The following TTC3 variants were observed in gnomAD, a reference collection of about 807,000 sequenced individuals.
TTC3 encodes the protein tetratricopeptide repeat domain 3, also known as E3 ubiquitin-protein ligase TTC3.
Under a neutral mutation model 249.6 loss-of-function variants are expected in TTC3, and 180 were observed. The observed-to-expected ratio is 0.72, with a 90% CI of 0.64 to 0.82. TTC3 has a LOEUF of 0.82. Among genes scored for constraint, TTC3 ranks in the 40% least tolerant of loss-of-function variants. TTC3 has a pLI of 0.00. For missense variants in TTC3, 2,061 were observed against 2,398.4 expected, an observed-to-expected ratio of 0.86 and a Z score of 2.94; for synonymous variants, 717 against 805.0, an observed-to-expected ratio of 0.89 and a Z score of 1.85.
At chr21:37,106,490 G>C (rs558146479) in intron 10 of TTC3, among the ~76,000 whole-genome samples, 1 of 152,292 alleles carries the variant, frequency 6.6e-6, no homozygotes, top group African/African-American at 2.4e-5. Context: ...AAGGTCACCA[G>C]ATTTTCTATG....
chr21:37,116,832 A>C (rs1329768217), intron 11 of TTC3, among the ~76,000 whole-genome samples: 2 of 151,840 alleles, frequency 1.3e-5, no homozygotes, highest in African/African-American at 2.4e-5. Flanking sequence ...AAAATAAATA[A>C]ATTTTTTTTT....
At chr21:37,187,510 G>A (rs186856643) in intron 38 of TTC3, among the ~76,000 whole-genome samples, 3 of 152,252 alleles carry the variant, frequency 2.0e-5, no homozygotes, top group Admixed American at 2.0e-4. Flanking sequence ...ACTTGGAAAG[G>A]AACTTGAAAA....
At chr21:37,142,280 G>T (rs2078550111) in intron 20 of TTC3, among the ~76,000 whole-genome samples, 1 of 152,152 alleles carries the variant, frequency 6.6e-6, no homozygotes. Flanking sequence ...GAAAGAAAGG[G>T]TATTCAATTA....
intron 1 of TTC3, among the ~76,000 whole-genome samples, chr21:37,080,216 CA>C (rs751214323): frequency 6.6e-6 from 1 of 152,062 alleles, no homozygotes; most frequent in Non-Finnish European, 1.5e-5. Context: ...CATTAACTTT[CA>C]AATCTAAGTA....
intron 10 of TTC3, among the ~76,000 whole-genome samples, chr21:37,103,992 G>C (rs1049131914): frequency 6.6e-6 from 1 of 152,216 alleles, no homozygotes; most frequent in African/African-American, 2.4e-5. Flanking sequence ...ATCTGAAGGG[G>C]ATGTAGTGTG....
At chr21:37,103,663 T>C (rs1568923915) in intron 10 of TTC3, among the ~76,000 whole-genome samples, 1 of 152,230 alleles carries the variant, frequency 6.6e-6, no homozygotes, top group Admixed American at 6.5e-5. Context: ...TGTTCAGCAT[T>C]GATTCAACAA....
At chr21:37,093,037 T>C (rs2073477308) in intron 7 of TTC3, among the ~76,000 whole-genome samples, 1 of 152,180 alleles carries the variant, frequency 6.6e-6, no homozygotes. Context: ...ATCCAAAATC[T>C]GAAATACCCC....
At chr21:37,180,676 G>A (rs1358724852) in intron 35 of TTC3, among the ~76,000 whole-genome samples, 1 of 148,890 alleles carries the variant, frequency 6.7e-6, no homozygotes, top group Admixed American at 6.7e-5. Context: ...CGAGTTAGTG[G>A]GTGCAGTGCA....
At chr21:37,124,480 C>A in intron 13 of TTC3, 139 bp from the exon 14 acceptor site, 1 of 804,650 alleles carries the variant, frequency 1.2e-6, no homozygotes, top group South Asian at 1.7e-5. Flanking sequence ...ATGTATAAAG[C>A]CCCATCTCAC....
intron 1 of TTC3, chr21:37,081,690 A>T (rs990778265): frequency 1.3e-5 from 2 of 151,730 alleles, no homozygotes; most frequent in African/African-American, 4.8e-5. Context: ...CAGATCACTT[A>T]TTCTTTATCT....
intron 10 of TTC3, chr21:37,098,732 G>C (rs961030029): frequency 1.3e-5 from 2 of 152,160 alleles, no homozygotes; most frequent in African/African-American, 4.8e-5. Flanking sequence ...AATGTTTTCA[G>C]AGTCCATAGT....
At chr21:37,103,842 A>G (rs1285071118) in intron 10 of TTC3, among the ~76,000 whole-genome samples, 1 of 151,860 alleles carries the variant, frequency 6.6e-6, no homozygotes, top group African/African-American at 2.4e-5. Context: ...TAGTATGTTC[A>G]TAGGCTAAGC....
chr21:37,131,753 A>C (rs2077487220), intron 16 of TTC3, among the ~76,000 whole-genome samples: 1 of 152,148 alleles, frequency 6.6e-6, no homozygotes, highest in Non-Finnish European at 1.5e-5. Flanking sequence ...ACTGAATTGC[A>C]TTATTGCACA....
chr21:37,104,031 C>T (rs976694310), intron 10 of TTC3, among the ~76,000 whole-genome samples: 1 of 151,958 alleles, frequency 6.6e-6, no homozygotes, highest in Admixed American at 6.5e-5. Flanking sequence ...GTTGCAGTAG[C>T]CCAGGCCAGA....
chr21:37,158,431 G>A (rs549385924), intron 28 of TTC3, among the ~76,000 whole-genome samples: 3 of 152,314 alleles, frequency 2.0e-5, no homozygotes, highest in African/African-American at 7.2e-5. Flanking sequence ...GGATTCTCAA[G>A]TGCAGTAGCT....
chr21:37,174,189 G>A (rs2082044550), intron 35 of TTC3, among the ~76,000 whole-genome samples: 1 of 152,152 alleles, frequency 6.6e-6, no homozygotes, highest in Non-Finnish European at 1.5e-5. Context: ...GTCCAGAAGA[G>A]TCTCGGAAAT....
At chr21:37,109,257 G>T (rs2075372892) in intron 11 of TTC3, among the ~76,000 whole-genome samples, 1 of 152,160 alleles carries the variant, frequency 6.6e-6, no homozygotes. Context: ...CTGAAGCAGG[G>T]TGAGGCATGG....
chr21:37,096,711 T>G, intron 10 of TTC3, 68 bp downstream of exon 10: 4 of 1,243,356 alleles, frequency 3.2e-6, no homozygotes, highest in Non-Finnish European at 4.6e-6. Context: ...GAAACGTTTC[T>G]GTTTTTCAGG....
intron 32 of TTC3, 89 bp downstream of exon 32, chr21:37,164,304 G>A: frequency 8.0e-7 from 1 of 1,246,154 alleles, no homozygotes; most frequent in Non-Finnish European, 1.1e-6. Context: ...CCTGTTTTTA[G>A]AGATTTTGCC....
Sources: gnomAD v4.1 joint callset for allele counts (sites outside exome capture counted in the v4.1 genomes callset) on GRCh38, gnomAD v4.1.1 for gene constraint, MANE v1.5 for transcripts, NCBI Gene and HGNC (gene_info 2026-07-23, HGNC 2026-07-21) for gene names.